PLCL1: variants seen among roughly 807,000 people sequenced by gnomAD.
The protein encoded by PLCL1 is phospholipase C like 1 (inactive).
Under a neutral mutation model 84.4 loss-of-function variants are expected in PLCL1, and 41 were observed. That is an observed-to-expected ratio of 0.49 (90% CI 0.38 to 0.63). PLCL1 has a LOEUF of 0.63. Among genes scored for constraint, PLCL1 ranks in the 30% least tolerant of loss-of-function variants. The probability of loss-of-function intolerance (pLI) is 0.00; values close to 1 mark genes in which losing one functional copy is unlikely to be tolerated. For missense variants in PLCL1, 1,206 were observed against 1,367.8 expected, an observed-to-expected ratio of 0.88 and a Z score of 1.87; for synonymous variants, 490 against 488.3, an observed-to-expected ratio of 1.00 and a Z score of -0.05.
chr2:198,134,468 G>A (rs1040566682), intron 5 of PLCL1, among the ~76,000 whole-genome samples: 4 of 152,198 alleles, frequency 2.6e-5, no homozygotes, highest in Non-Finnish European at 5.9e-5. Flanking sequence ...GGTGGAAGAA[G>A]TTGCCCCTTT....
At chr2:197,974,147 A>G (rs1251857557) in intron 1 of PLCL1, among the ~76,000 whole-genome samples, 1 of 152,180 alleles carries the variant, frequency 6.6e-6, no homozygotes, top group African/African-American at 2.4e-5. Flanking sequence ...TGGTAGGGCT[A>G]TTTATGAGGA....
chr2:198,079,853 G>A (rs759589383), intron 1 of PLCL1, among the ~76,000 whole-genome samples: 2 of 152,154 alleles, frequency 1.3e-5, no homozygotes, highest in Non-Finnish European at 2.9e-5. Flanking sequence ...CTAATTATTG[G>A]ACTCAACTAC....
At chr2:198,120,453 C>T (rs564726049) in intron 5 of PLCL1, among the ~76,000 whole-genome samples, 1 of 151,952 alleles carries the variant, frequency 6.6e-6, no homozygotes, top group Non-Finnish European at 1.5e-5. Context: ...TAACCATCCT[C>T]ATCTCCCCTC....
intron 1 of PLCL1, among the ~76,000 whole-genome samples, chr2:197,875,470 A>G (rs551541631): frequency 1.4e-4 from 21 of 152,174 alleles, no homozygotes; most frequent in Middle Eastern, 3.4e-3. Context: ...GGTACTCAAA[A>G]TGATCTATTT....
intron 1 of PLCL1, among the ~76,000 whole-genome samples, chr2:198,039,535 A>G (rs950402552): frequency 2.6e-5 from 4 of 152,178 alleles, no homozygotes; most frequent in African/African-American, 9.6e-5. Flanking sequence ...TGTAAGTCCC[A>G]TGAAGGAGAA....
intron 1 of PLCL1, among the ~76,000 whole-genome samples, chr2:197,820,218 T>C (rs1388566527): frequency 6.6e-6 from 1 of 152,104 alleles, no homozygotes; most frequent in African/African-American, 2.4e-5. Flanking sequence ...GGGCTGGGTT[T>C]TGGGCTTCTG....
At chr2:197,974,557 C>T (rs1689929727) in intron 1 of PLCL1, among the ~76,000 whole-genome samples, 1 of 152,186 alleles carries the variant, frequency 6.6e-6, no homozygotes, top group Non-Finnish European at 1.5e-5. Context: ...TGATGATAGG[C>T]TCATTCACTG....
chr2:197,851,841 A>G (rs1226677909), intron 1 of PLCL1, among the ~76,000 whole-genome samples: 2 of 152,296 alleles, frequency 1.3e-5, no homozygotes, highest in East Asian at 3.9e-4. Context: ...ACCTGGCCCC[A>G]TTCCCCTGAC....
intron 1 of PLCL1, among the ~76,000 whole-genome samples, chr2:198,081,487 A>G (rs1692712907): frequency 1.3e-5 from 2 of 152,190 alleles, no homozygotes; most frequent in South Asian, 4.1e-4. Flanking sequence ...AATGTGTTCT[A>G]ATAGATCATC....
At chr2:198,026,980 A>AG (rs1238325034) in intron 1 of PLCL1, among the ~76,000 whole-genome samples, 2 of 152,192 alleles carry the variant, frequency 1.3e-5, no homozygotes, top group African/African-American at 4.8e-5. Flanking sequence ...AACTAAAAAA[A>AG]GAACTACTAT....
chr2:198,094,048 G>T (rs10200278), intron 3 of PLCL1, among the ~76,000 whole-genome samples: 5,063 of 151,922 alleles, frequency 0.033, 273 homozygotes, highest in African/African-American at 0.11. Context: ...AGTCTTAAAA[G>T]TCATTTTTTT....
At position 198,067,917 on chromosome 2, in the gene PLCL1, C is replaced by T. The variant is rs1045328620; in HGVS notation, c.241-15841C>T. ...TTCTTAAAGTAATAATGAACACAGT[C>T]ATTCTCATAGATAAGACTAGCTGTC... On this transcript the variant is annotated intron_variant, in intron 1 of 5. Transcript: ENST00000428675. Among the ~76,000 whole-genome samples the T allele has an allele frequency of 9.2e-5, 14 of 152,330 alleles. No individual in the cohort carries two copies. In the South Asian group the frequency reaches 1.9e-3, roughly 20 times the overall value.
In PLCL1 at chr2:197,831,523, G is replaced by A. The variant is rs1004627303; in HGVS notation, c.240+26184G>A. 5.9e-5 allele frequency among the ~76,000 whole-genome samples: 9 copies of A among 151,666 alleles called. No individual in the cohort carries two copies. In the South Asian group the frequency reaches 1.9e-3, roughly 32 times the overall value. On this transcript the variant is annotated intron_variant, in intron 1 of 5. Coordinates refer to ENST00000428675, the MANE Select transcript of PLCL1 (RefSeq NM_006226.4). ...AGGAGCACCCAGATTCATAAAGCAG[G>A]TTCTTAGAGACCTACACAGAGACTT...
intron 5 of PLCL1, among the ~76,000 whole-genome samples, chr2:198,134,235 T>C (rs2105939354): frequency 6.6e-6 from 1 of 152,088 alleles, no homozygotes; most frequent in South Asian, 2.1e-4. Flanking sequence ...TTAGAGAAAA[T>C]AGGTCTTGAC....
chr2:198,128,821 C>T (rs1339281020), intron 5 of PLCL1, among the ~76,000 whole-genome samples: 1 of 152,044 alleles, frequency 6.6e-6, no homozygotes, highest in East Asian at 1.9e-4. Context: ...TCAGCCTATG[C>T]CCAGCTTGGA....
intron 1 of PLCL1, among the ~76,000 whole-genome samples, chr2:197,933,265 C>CTTT (rs774904338): frequency 7.1e-5 from 9 of 127,254 alleles, no homozygotes; most frequent in Admixed American, 1.6e-4. Flanking sequence ...TTTTTCTTTT[C>CTTT]TTTTTTTTTT....
intron 1 of PLCL1, among the ~76,000 whole-genome samples, chr2:197,868,812 G>T (rs1263476520): frequency 6.6e-6 from 1 of 151,714 alleles, no homozygotes; most frequent in Non-Finnish European, 1.5e-5. Flanking sequence ...CACCATACCT[G>T]GCCTTTACAC....
intron 1 of PLCL1, among the ~76,000 whole-genome samples, chr2:197,822,644 A>G (rs1411275439): frequency 6.6e-6 from 1 of 152,202 alleles, no homozygotes; most frequent in Admixed American, 6.5e-5. Flanking sequence ...GTTGCAGCAC[A>G]GACAGGTTAA....
intron 1 of PLCL1, among the ~76,000 whole-genome samples, chr2:197,959,068 T>G (rs1689554201): frequency 1.3e-5 from 2 of 151,982 alleles, no homozygotes; most frequent in African/African-American, 4.8e-5. Context: ...ATTAGAAAAT[T>G]TTTGTGTGTG....
Sources: allele counts gnomAD v4.1 joint callset (sites outside exome capture counted in the v4.1 genomes callset), GRCh38; gene constraint gnomAD v4.1.1; transcripts MANE v1.5; gene names NCBI Gene and HGNC (gene_info 2026-07-23, HGNC 2026-07-21).